Variants in TMEM132D observed in about 807,000 individuals in gnomAD.
TMEM132D encodes mature OL transmembrane protein.
TMEM132D carries 21 observed loss-of-function variants against 62.3 expected under a neutral mutation model. The observed-to-expected ratio is 0.34, with a 90% confidence interval of 0.24 to 0.49. TMEM132D has a LOEUF of 0.49. Ranked by LOEUF, TMEM132D falls within the 20% of genes least tolerant of loss-of-function variation. The pLI, the probability that TMEM132D is intolerant of heterozygous loss-of-function variation, is 0.99. For synonymous variants in TMEM132D, 621 were observed against 575.6 expected, an observed-to-expected ratio of 1.08 and a Z score of -1.13; for missense variants, 1,346 against 1,402.8, an observed-to-expected ratio of 0.96 and a Z score of 0.65.
At chr12:129,758,202 G>A (rs1870234455) in intron 1 of TMEM132D, among the ~76,000 whole-genome samples, 1 of 152,014 alleles carries the variant, frequency 6.6e-6, no homozygotes, top group African/African-American at 2.4e-5. Flanking sequence ...ACCACGCCTG[G>A]CCCACTTTTA....
chr12:129,514,067 CT>C (rs1368642536), intron 3 of TMEM132D, among the ~76,000 whole-genome samples: 1 of 151,160 alleles, frequency 6.6e-6, no homozygotes, highest in African/African-American at 2.4e-5. Context: ...TCTCGATCCC[CT>C]GACCTTGTGA....
intron 5 of TMEM132D, among the ~76,000 whole-genome samples, chr12:129,094,246 C>A (rs1875025194): frequency 6.6e-6 from 1 of 152,176 alleles, no homozygotes; most frequent in Admixed American, 6.5e-5. Context: ...GAACAGGCAA[C>A]CTACAGAATG....
At chr12:129,787,731 G>C (rs761071218) in intron 1 of TMEM132D, among the ~76,000 whole-genome samples, 1 of 152,154 alleles carries the variant, frequency 6.6e-6, no homozygotes, top group South Asian at 2.1e-4. Flanking sequence ...AGAGCTGAAC[G>C]AAGTAGAGGC....
chr12:129,892,307 C>A (rs1351050786), intron 1 of TMEM132D, among the ~76,000 whole-genome samples: 1 of 152,202 alleles, frequency 6.6e-6, no homozygotes, highest in Admixed American at 6.5e-5. Flanking sequence ...GAGGAAAAAT[C>A]TATGTTTAAT....
intron 4 of TMEM132D, among the ~76,000 whole-genome samples, chr12:129,320,596 T>C (rs948656072): frequency 2.0e-5 from 3 of 152,196 alleles, no homozygotes; most frequent in Admixed American, 6.5e-5. Flanking sequence ...AGTATTCTGG[T>C]GTCTCATCTA....
rs1048718966 is a variant in TMEM132D, at chr12:129,457,008, C to T, written c.1115+74051G>A. ...CTGTTGGTGGGACTGTAAACTAGTT[C>T]GACCATTGTGGAAGTCAGTGTGGCG... is the stretch of plus-strand genomic sequence containing the variant. On this transcript the variant is annotated intron_variant, in intron 3 of 8. Coordinates refer to ENST00000422113, the MANE Select transcript of TMEM132D (RefSeq NM_133448.3). Among the ~76,000 whole-genome samples the T allele has an allele frequency of 2.1e-4, 32 of 152,116 alleles. 1 individual carries two copies. Among genetic ancestry groups the T allele is most frequent in the African/African-American group, 6.7e-4 (28 of 41,504 alleles).
Position 129,802,117 on chromosome 12 carries a change from G to A in TMEM132D, c.79+101144C>T, listed in dbSNP as rs1320599017. Among the ~76,000 whole-genome samples the A allele has an allele frequency of 4.0e-5, 6 of 151,324 alleles. 1 individual carries two copies. The highest frequency in any genetic ancestry group is 5.9e-5 in the Non-Finnish European group (4 of 67,946). On this transcript the variant is annotated intron_variant, in intron 1 of 8. Coordinates refer to ENST00000422113, the MANE Select transcript of TMEM132D (RefSeq NM_133448.3). ...GAACCAAGTTGGAAAACACTCTGCA[G>A]GATATTATCCAGGAGAACTTCCCCA...
chr12:129,575,157 C>T (rs1364494561), intron 2 of TMEM132D, among the ~76,000 whole-genome samples: 2 of 151,730 alleles, frequency 1.3e-5, no homozygotes, highest in Admixed American at 6.6e-5. Context: ...TATGATTTTC[C>T]GAGCGTTCTC....
At chr12:129,257,768 T>C (rs1158855152) in intron 4 of TMEM132D, among the ~76,000 whole-genome samples, 1 of 152,108 alleles carries the variant, frequency 6.6e-6, no homozygotes, top group African/African-American at 2.4e-5. Context: ...TAGGAAGGTG[T>C]GAGCTTGACC....
chr12:129,827,689 G>A lies in TMEM132D; in HGVS notation c.79+75572C>T, dbSNP rs891223608. On this transcript the variant is annotated intron_variant, in intron 1 of 8. Coordinates refer to ENST00000422113, the MANE Select transcript of TMEM132D (RefSeq NM_133448.3). The surrounding 1 kb of genome is among the most constrained non-coding windows in gnomAD (Gnocchi z 9.7). ...AAACAAATTCCAGCAAGTCTCAAGTGTAAAAAGGTGTCTGAGGAAGTTCTT... is the reference window on the plus strand; with the variant it reads ...AAACAAATTCCAGCAAGTCTCAAGTATAAAAAGGTGTCTGAGGAAGTTCTT... Among the ~76,000 whole-genome samples, 2 of 152,154 alleles carry A rather than the reference G, an allele frequency of 1.3e-5. No homozygotes were observed. Among genetic ancestry groups the A allele is most frequent in the Non-Finnish European group, 2.9e-5 (2 of 68,034 alleles).
chr12:129,540,825 G>A (rs979598383), intron 2 of TMEM132D, among the ~76,000 whole-genome samples: 3 of 152,090 alleles, frequency 2.0e-5, no homozygotes, highest in African/African-American at 7.2e-5. Flanking sequence ...TGCAAAGATG[G>A]GGTCTCATTA....
At position 129,074,078 on chromosome 12, in the gene TMEM132D, C is replaced by T. The variant is rs768389546; in HGVS notation, c.3097G>A (p.Glu1033Lys). 6.2e-7 allele frequency: 1 copy of T among 1,614,068 alleles called. No individual in the cohort carries two copies. Among genetic ancestry groups the T allele is most frequent in the East Asian group, 2.2e-5 (1 of 44,874 alleles). ...TTTGAGGTAGGGGATGTTGGGGGCT[C>T]ACTTTTCTGATCTTTCCCATCAATG... ...IIIDGKDQKS[E>K]PPTSPTSKRK... The change falls in exon 9 of 9, where the codon GAG becomes AAG. Residue 1033 changes from glutamate (E) to lysine (K), a missense_variant. Physicochemically the swap from Glu to Lys is moderately conservative, Grantham distance 56. Coordinates refer to ENST00000422113, the MANE Select transcript of TMEM132D (RefSeq NM_133448.3).
At chr12:129,285,572 CAGAA>C (rs1281082199) in intron 4 of TMEM132D, among the ~76,000 whole-genome samples, 3 of 145,996 alleles carry the variant, frequency 2.1e-5, no homozygotes, top group Non-Finnish European at 4.5e-5. Context: ...ATTATCATCC[CAGAA>C]ATGGGATAAC....
intron 1 of TMEM132D, among the ~76,000 whole-genome samples, chr12:129,875,286 G>T (rs544089378): frequency 6.6e-6 from 1 of 152,298 alleles, no homozygotes; most frequent in African/African-American, 2.4e-5. Flanking sequence ...CCTAGAAAGC[G>T]CTGATGTCCG....
intron 3 of TMEM132D, among the ~76,000 whole-genome samples, chr12:129,459,482 G>A (rs1329958103): frequency 6.6e-6 from 1 of 152,158 alleles, no homozygotes; most frequent in African/African-American, 2.4e-5. Context: ...ATTCCAGTGA[G>A]CAAGACAGAC....
At chr12:129,628,845 TG>T (rs1262218112) in intron 2 of TMEM132D, among the ~76,000 whole-genome samples, 1 of 152,094 alleles carries the variant, frequency 6.6e-6, no homozygotes, top group Non-Finnish European at 1.5e-5. Context: ...TCCACCACCT[TG>T]CTATCCTCAT....
chr12:129,684,152 G>A (rs980069143), intron 2 of TMEM132D, among the ~76,000 whole-genome samples: 15 of 152,044 alleles, frequency 9.9e-5, no homozygotes, highest in Non-Finnish European at 8.8e-5. Flanking sequence ...AACAAAAAAA[G>A]GCAGATATGG....
intron 3 of TMEM132D, among the ~76,000 whole-genome samples, chr12:129,460,465 A>G (rs1316553550): frequency 6.6e-6 from 1 of 152,172 alleles, no homozygotes; most frequent in Non-Finnish European, 1.5e-5. Flanking sequence ...TGTGACATCT[A>G]TTAGAACACA....
At chr12:129,221,678 T>G (rs1336962320) in intron 4 of TMEM132D, among the ~76,000 whole-genome samples, 1 of 152,080 alleles carries the variant, frequency 6.6e-6, no homozygotes, top group South Asian at 2.1e-4. Flanking sequence ...GTTGACTTCT[T>G]AAAAAAACCT....
Sources: gnomAD v4.1 joint callset for allele counts (sites outside exome capture counted in the v4.1 genomes callset) on GRCh38, gnomAD v4.1.1 for gene constraint, Gnocchi (gnomAD v3.1) non-coding constraint, MANE v1.5 for transcripts, NCBI Gene and HGNC (gene_info 2026-07-23, HGNC 2026-07-21) for gene names.